The following PTPRN2 variants were observed in gnomAD, a reference collection of about 807,000 sequenced individuals.
PTPRN2 encodes protein tyrosine phosphatase receptor type N2.
PTPRN2 carries 74 observed loss-of-function variants against 118.8 expected under a neutral mutation model. That is an observed-to-expected ratio of 0.62 (90% CI 0.52 to 0.76). PTPRN2 has a LOEUF of 0.76. Ranked by LOEUF, PTPRN2 falls within the 30% of genes least tolerant of loss-of-function variation. PTPRN2 has a pLI of 0.00. For missense variants in PTPRN2, 1,481 were observed against 1,394.4 expected, an observed-to-expected ratio of 1.06 and a Z score of -0.99; for synonymous variants, 641 against 608.0, an observed-to-expected ratio of 1.05 and a Z score of -0.80.
intron 12 of PTPRN2, among the ~76,000 whole-genome samples, chr7:157,789,841 ATATGTGGTGTGATGTG>A (rs1804329210): frequency 7.5e-6 from 1 of 133,106 alleles, no homozygotes; most frequent in African/African-American, 2.9e-5. Flanking sequence ...TGTGTGTAGT[ATATGTGGTGTGATGTG>A]TATGTGGTGT....
chr7:157,875,514 C>T (rs191806181), intron 12 of PTPRN2, among the ~76,000 whole-genome samples: 1 of 152,362 alleles, frequency 6.6e-6, no homozygotes, highest in African/African-American at 2.4e-5. Context: ...ACTGTGCAGT[C>T]CCAGAAGTCT....
intron 2 of PTPRN2, among the ~76,000 whole-genome samples, chr7:158,404,100 A>G (rs1321185820): frequency 2.6e-5 from 4 of 152,238 alleles, no homozygotes; most frequent in Admixed American, 6.5e-5. Flanking sequence ...ACTTTCTATA[A>G]TAAAAGGTAT....
Position 157,861,411 on chromosome 7 carries a change from G to A in PTPRN2, c.1788+37262C>T, listed in dbSNP as rs367802033. ...TGGGCAGTGGCTTCTGTGTTTTGCCGTCGAGGTGCAACATGCAGCTGGTGA... is the reference window on the plus strand; with the variant it reads ...TGGGCAGTGGCTTCTGTGTTTTGCCATCGAGGTGCAACATGCAGCTGGTGA... On this transcript the variant is annotated intron_variant, in intron 12 of 22. Transcript: ENST00000389418. The surrounding 1 kb of genome is among the most constrained non-coding windows in gnomAD (Gnocchi z 5.8). 1.1e-4 allele frequency among the ~76,000 whole-genome samples: 16 copies of A among 152,336 alleles called. No homozygotes were observed. The East Asian group carries it at 1.5e-3, about 15-fold the overall frequency.
At chr7:158,492,375 C>T (rs1337170846) in intron 1 of PTPRN2, among the ~76,000 whole-genome samples, 2 of 152,190 alleles carry the variant, frequency 1.3e-5, no homozygotes, top group Non-Finnish European at 2.9e-5. Flanking sequence ...TGGCAGATGA[C>T]GGAGCTCTGC....
intron 2 of PTPRN2, among the ~76,000 whole-genome samples, chr7:158,321,754 T>C (rs1323331948): frequency 6.6e-6 from 1 of 151,538 alleles, no homozygotes; most frequent in Non-Finnish European, 1.5e-5. Flanking sequence ...CCACCCGTCC[T>C]TGGCTACTGT....
rs1802367727 is a variant in PTPRN2 at position 157,611,894 on chromosome 7, C to T, written c.2345-7819G>A. On this transcript the variant is annotated intron_variant, in intron 15 of 22. Transcript: ENST00000389418. The surrounding 1 kb of genome is among the most constrained non-coding windows in gnomAD (Gnocchi z 5.9). ...GAAGACGAAGACAGCCGCAGTCATGCTGGGGACACGCGGAGGGAGAGCGCC... is the reference window on the plus strand; with the variant it reads ...GAAGACGAAGACAGCCGCAGTCATGTTGGGGACACGCGGAGGGAGAGCGCC... 1.3e-5 allele frequency among the ~76,000 whole-genome samples: 2 copies of T among 151,770 alleles called. No individual in the cohort carries two copies. The highest frequency in any genetic ancestry group is 6.5e-5 in the Admixed American group (1 of 15,272).
chr7:157,564,187 A>G (rs1799368804), intron 21 of PTPRN2, among the ~76,000 whole-genome samples: 1 of 152,216 alleles, frequency 6.6e-6, no homozygotes, highest in African/African-American at 2.4e-5. Context: ...GCTGGAGCGC[A>G]ATGGTGCGAT....
At chr7:158,340,095 TCACACCCACACTCGCA>T (rs1806371718) in intron 2 of PTPRN2, among the ~76,000 whole-genome samples, 5 of 25,124 alleles carry the variant, frequency 2.0e-4, no homozygotes, top group Non-Finnish European at 2.9e-4. Context: ...CAGACGTCAC[TCACACCCACACTCGCA>T]CCATAAGAGG....
chr7:158,407,154 CCTGGGTCCT>C lies in PTPRN2; in HGVS notation c.163+82572_163+82580del, dbSNP rs1563254178. Among the ~76,000 whole-genome samples the C allele has an allele frequency of 1.6e-3, 203 of 123,886 alleles. 5 individuals carry two copies. The highest frequency in any genetic ancestry group is 7.9e-3 in the Middle Eastern group (2 of 252). 81.3% of individuals were successfully genotyped at this position (123,886 alleles called of 152,430 possible). A position where few individuals can be genotyped will look rare whatever the true frequency, so the allele number is the denominator to read the frequency against. On this transcript the variant is annotated intron_variant, in intron 2 of 22. Coordinates refer to ENST00000389418, the MANE Select transcript of PTPRN2 (RefSeq NM_002847.5). ...GGGTCCTGCGTCCTGCGTCCTGGGT[CCTGGGTCCT>C]GGGTCCTGCGTCCTGCGTCCTGGGT...
intron 11 of PTPRN2, among the ~76,000 whole-genome samples, chr7:157,983,809 TCTGGA>T (rs576103921): frequency 7.4e-4 from 113 of 152,326 alleles, no homozygotes; most frequent in African/African-American, 2.5e-3. Context: ...GTGGAAATTG[TCTGGA>T]CGTAATGCAG....
At chr7:158,464,329 C>T (rs1586735944) in intron 2 of PTPRN2, among the ~76,000 whole-genome samples, 1 of 58,360 alleles carries the variant, frequency 1.7e-5, no homozygotes, top group Non-Finnish European at 3.2e-5. Context: ...TCATCACCAC[C>T]GTCATCATCC....
At chr7:158,165,232 G>A (rs1381284357) in intron 6 of PTPRN2, among the ~76,000 whole-genome samples, 1 of 152,340 alleles carries the variant, frequency 6.6e-6, no homozygotes, top group East Asian at 1.9e-4. Flanking sequence ...ACCCACGCAA[G>A]TGCAGGAGGC....
intron 3 of PTPRN2, among the ~76,000 whole-genome samples, chr7:158,231,765 C>A (rs1207895134): frequency 6.6e-6 from 1 of 152,132 alleles, no homozygotes; most frequent in East Asian, 1.9e-4. Context: ...GAAATCATAT[C>A]AAGTATCTTT....
intron 10 of PTPRN2, among the ~76,000 whole-genome samples, chr7:158,082,970 G>A (rs1163014962): frequency 6.6e-6 from 1 of 152,172 alleles, no homozygotes; most frequent in Non-Finnish European, 1.5e-5. Flanking sequence ...CAGAAAGGAG[G>A]AGGCCACTCC....
chr7:158,362,229 A>G (rs997835398), intron 2 of PTPRN2, among the ~76,000 whole-genome samples: 16 of 152,198 alleles, frequency 1.1e-4, no homozygotes, highest in African/African-American at 3.9e-4. Flanking sequence ...GAGGCAGAAG[A>G]GGCCGCCCCT....
At chr7:157,735,962 G>A (rs562092534) in intron 12 of PTPRN2, among the ~76,000 whole-genome samples, 6 of 152,350 alleles carry the variant, frequency 3.9e-5, no homozygotes, top group African/African-American at 7.2e-5. Context: ...TGAAGGTGAC[G>A]TGACAGACAG....
At chr7:158,171,981 GAGCATCTCTGGGGT>G (rs1823743104) in intron 5 of PTPRN2, among the ~76,000 whole-genome samples, 1 of 152,214 alleles carries the variant, frequency 6.6e-6, no homozygotes, top group Non-Finnish European at 1.5e-5. Flanking sequence ...AAATCCGGCT[GAGCATCTCTGGGGT>G]AGCCCAGCTG....
chr7:157,657,586 CAT>C (rs1396104178), intron 13 of PTPRN2, among the ~76,000 whole-genome samples: 1 of 92,196 alleles, frequency 1.1e-5, no homozygotes, highest in African/African-American at 3.3e-5. Flanking sequence ...TATACACACA[CAT>C]ACACCACACA....
intron 1 of PTPRN2, among the ~76,000 whole-genome samples, chr7:158,524,691 C>T (rs1051396671): frequency 2.0e-5 from 3 of 152,128 alleles, no homozygotes; most frequent in African/African-American, 7.2e-5. Context: ...CAGGTTTTTG[C>T]AGGAAAAATT....
Sources: gnomAD v4.1 joint callset for allele counts (sites outside exome capture counted in the v4.1 genomes callset) on GRCh38, gnomAD v4.1.1 for gene constraint, Gnocchi (gnomAD v3.1) non-coding constraint, MANE v1.5 for transcripts, NCBI Gene and HGNC (gene_info 2026-07-23, HGNC 2026-07-21) for gene names.